Variants in CERS3 observed in about 807,000 individuals in gnomAD.
CERS3 encodes the protein ceramide synthase 3.
CERS3 carries 33 observed loss-of-function variants against 50.3 expected under a neutral mutation model. The observed-to-expected ratio is 0.66, with a 90% CI of 0.50 to 0.88. CERS3 has a LOEUF of 0.88. Among genes scored for constraint, CERS3 ranks in the 40% least tolerant of loss-of-function variants. CERS3 has a pLI of 0.00. For synonymous variants in CERS3, 176 were observed against 155.2 expected (o/e 1.13, Z -0.99); for missense variants, 470 against 460.3 (o/e 1.02, Z -0.19).
At chr15:100,544,594 C>G (rs1018178937) in intron 1 of CERS3, 3 of 152,502 alleles carry the variant, frequency 2.0e-5, no homozygotes, top group East Asian at 3.9e-4. Context: ...GAGCAGGGCC[C>G]GATGCCCTCT....
At chr15:100,460,840 TTAAC>T (rs2034526455) in intron 10 of CERS3, among the ~76,000 whole-genome samples, 1 of 152,286 alleles carries the variant, frequency 6.6e-6, no homozygotes, top group Middle Eastern at 3.4e-3. Context: ...ATGTGAATAA[TTAAC>T]TAAACATAAA....
At chr15:100,456,092 C>T (rs1375743139) in intron 10 of CERS3, 46 bp from the exon 11 acceptor site, 2 of 1,458,562 alleles carry the variant, frequency 1.4e-6, no homozygotes, top group Non-Finnish European at 1.8e-6. Context: ...ACCAAAGCAC[C>T]TATGAATTTT....
chr15:100,544,464 GCGCGGGGACACGGGCCC>G (rs2037305152), intron 1 of CERS3: 1 of 68,860 alleles, frequency 1.5e-5, no homozygotes. Context: ...GCCTAGGTCT[GCGCGGGGACACGGGCCC>G]TCTCTCGGCC....
chr15:100,536,144 C>T (rs181805685), intron 1 of CERS3, among the ~76,000 whole-genome samples: 17 of 108,178 alleles, frequency 1.6e-4, no homozygotes, highest in African/African-American at 5.2e-4. Flanking sequence ...GTGGGGATAT[C>T]CCTGTGCTCA....
At chr15:100,520,390 T>C (rs2036607773) in intron 2 of CERS3, among the ~76,000 whole-genome samples, 1 of 152,006 alleles carries the variant, frequency 6.6e-6, no homozygotes, top group African/African-American at 2.4e-5. Context: ...CCTCCAGAAT[T>C]CCTGTGAATT....
chr15:100,444,743 C>A (rs910101937), intron 11 of CERS3, among the ~76,000 whole-genome samples: 3 of 152,174 alleles, frequency 2.0e-5, no homozygotes, highest in Admixed American at 1.3e-4. Context: ...ACTCAACATG[C>A]CCTGAGTCAG....
At chr15:100,536,433 T>C (rs1241140054) in intron 1 of CERS3, among the ~76,000 whole-genome samples, 1 of 152,104 alleles carries the variant, frequency 6.6e-6, no homozygotes, top group Non-Finnish European at 1.5e-5. Context: ...GACAGGCACA[T>C]GCCACCATGC....
chr15:100,415,477 T>C (rs560946490), intron 11 of CERS3, among the ~76,000 whole-genome samples: 1 of 152,278 alleles, frequency 6.6e-6, no homozygotes, highest in East Asian at 1.9e-4. Context: ...CATTCTACTA[T>C]AAAGACACAT....
At chr15:100,444,940 G>C (rs115523838) in intron 11 of CERS3, among the ~76,000 whole-genome samples, 2 of 151,856 alleles carry the variant, frequency 1.3e-5, no homozygotes, top group African/African-American at 4.8e-5. Context: ...TCAGCCAAGC[G>C]TTTTTTCAGG....
At chr15:100,442,448 G>GT (rs1234568700) in intron 11 of CERS3, among the ~76,000 whole-genome samples, 1 of 152,128 alleles carries the variant, frequency 6.6e-6, no homozygotes, top group Non-Finnish European at 1.5e-5. Flanking sequence ...GCAATTCCTT[G>GT]CCTCCACTGT....
intron 11 of CERS3, among the ~76,000 whole-genome samples, chr15:100,440,374 G>A (rs2033624596): frequency 6.6e-6 from 1 of 152,050 alleles, no homozygotes; most frequent in Non-Finnish European, 1.5e-5. Context: ...CCTTCTCCTG[G>A]CTCATTCTGG....
intron 11 of CERS3, among the ~76,000 whole-genome samples, chr15:100,443,061 C>T (rs1181978826): frequency 6.6e-6 from 1 of 152,008 alleles, no homozygotes; most frequent in Non-Finnish European, 1.5e-5. Context: ...GGCCGAGACA[C>T]TTTAACTAAA....
Position 100,426,955 on chromosome 15 carries a change from G to A in CERS3, c.1000-24090C>T, listed in dbSNP as rs542927116. Among the ~76,000 whole-genome samples the A allele has an allele frequency of 5.7e-4, 87 of 152,238 alleles. 2 individuals carry two copies. The highest frequency in any genetic ancestry group is 3.4e-3 in the Middle Eastern group (1 of 294). On this transcript the variant is annotated intron_variant, in intron 11 of 11. Transcript: ENST00000679737. ...TACACTCAATTGGGTCCTTTGATAC[G>A]GGTCCCTGCACTCTTCAGCTCTCCA...
chr15:100,501,615 G>C (rs1228247504), intron 3 of CERS3, 62 bp downstream of exon 3: 1 of 1,391,230 alleles, frequency 7.2e-7, no homozygotes, highest in Non-Finnish European at 1.0e-6. Flanking sequence ...GCCTAAGACT[G>C]TATTATTCTA....
chr15:100,526,293 TC>T (rs1396870981), intron 1 of CERS3, among the ~76,000 whole-genome samples: 1 of 152,214 alleles, frequency 6.6e-6, no homozygotes, highest in African/African-American at 2.4e-5. Flanking sequence ...GCTTGGAAAG[TC>T]CAAGCTTCTT....
At chr15:100,450,608 G>T (rs2034127428) in intron 11 of CERS3, among the ~76,000 whole-genome samples, 1 of 152,050 alleles carries the variant, frequency 6.6e-6, no homozygotes, top group Non-Finnish European at 1.5e-5. Context: ...TTTCAGAGGT[G>T]AAAATAAAAT....
chr15:100,401,017 G>C lies in CERS3; in HGVS notation c.*1696C>G, dbSNP rs2030480593. 6.6e-6 allele frequency: 1 copy of C among 152,022 alleles called. No homozygotes were observed. The highest frequency in any genetic ancestry group is 2.4e-5 in the African/African-American group (1 of 41,402). 9.4% of individuals were successfully genotyped at this position (152,022 alleles called of 1,614,324 possible). A position where few individuals can be genotyped will look rare whatever the true frequency, so the allele number is the denominator to read the frequency against. The stretch of plus-strand genomic sequence containing the variant: ...TGGAAAGAATTCTAAAGGATTTTTT[G>C]TTTATTTTTGTTTAGCCTTAAGGTT... On this transcript the variant is annotated 3_prime_UTR_variant, in exon 12 of 12. Coordinates refer to ENST00000679737, the MANE Select transcript of CERS3 (RefSeq NM_001378789.1).
intron 11 of CERS3, among the ~76,000 whole-genome samples, chr15:100,440,795 G>A (rs941987687): frequency 5.9e-5 from 9 of 152,200 alleles, no homozygotes; most frequent in East Asian, 1.9e-4. Context: ...AACCTCTCTC[G>A]CTATCCCTCA....
chr15:100,521,839 T>G (rs1448996831), intron 1 of CERS3, 83 bp from the exon 2 acceptor site: 1 of 152,192 alleles, frequency 6.6e-6, no homozygotes, highest in Non-Finnish European at 1.5e-5. Context: ...GGTCTAAAAC[T>G]TAAGTCAGAG....
Sources: gnomAD v4.1 joint callset for allele counts (sites outside exome capture counted in the v4.1 genomes callset) on GRCh38, gnomAD v4.1.1 for gene constraint, MANE v1.5 for transcripts, NCBI Gene and HGNC (gene_info 2026-07-23, HGNC 2026-07-21) for gene names.